The following ERBB4 variants were observed in gnomAD, a reference collection of about 807,000 sequenced individuals.
ERBB4 encodes erb-b2 receptor tyrosine kinase 4.
ERBB4 carries 42 observed loss-of-function variants against 158.0 expected under a neutral mutation model. The observed-to-expected ratio is 0.27, with a 90% CI of 0.21 to 0.34. The LOEUF is 0.34. ERBB4 is among the 10% of genes least tolerant of loss of function. The probability of loss-of-function intolerance (pLI) is 1.00; values close to 1 mark genes in which losing one functional copy is unlikely to be tolerated. For synonymous variants in ERBB4, 583 were observed against 558.7 expected (o/e 1.04, Z -0.61); for missense variants, 1,333 against 1,624.1 (o/e 0.82, Z 3.08).
chr2:212,485,353 A>AT (rs1689916903), intron 1 of ERBB4, among the ~76,000 whole-genome samples: 1 of 152,132 alleles, frequency 6.6e-6, no homozygotes, highest in South Asian at 2.1e-4. Context: ...AACTGAAGTT[A>AT]TTTGTTTTAC....
At chr2:211,696,399 C>A (rs1243605180) in intron 12 of ERBB4, among the ~76,000 whole-genome samples, 1 of 152,104 alleles carries the variant, frequency 6.6e-6, no homozygotes, top group Non-Finnish European at 1.5e-5. Context: ...GTTTTAGCCA[C>A]TGTGCCCAGC....
At chr2:211,672,924 T>C (rs2105938018) in intron 14 of ERBB4, among the ~76,000 whole-genome samples, 1 of 152,344 alleles carries the variant, frequency 6.6e-6, no homozygotes, top group South Asian at 2.1e-4. Flanking sequence ...GACTACTCTA[T>C]ATCTTATAAT....
chr2:211,430,426 G>C (rs2063723845), intron 21 of ERBB4, among the ~76,000 whole-genome samples: 2 of 152,120 alleles, frequency 1.3e-5, no homozygotes, highest in South Asian at 4.1e-4. Flanking sequence ...AAAGAGTCAG[G>C]AACTCCATTG....
chr2:212,086,356 AC>A (rs1241867533), intron 2 of ERBB4, among the ~76,000 whole-genome samples: 2 of 140,616 alleles, frequency 1.4e-5, no homozygotes, highest in African/African-American at 5.1e-5. Flanking sequence ...CATTCTCCCC[AC>A]CAAAAAAAAA....
intron 1 of ERBB4, among the ~76,000 whole-genome samples, chr2:212,474,912 C>A (rs1471807387): frequency 1.4e-5 from 2 of 145,976 alleles, no homozygotes; most frequent in Admixed American, 7.0e-5. Flanking sequence ...AGCTCAGCCT[C>A]CAGAGTAGCA....
At chr2:212,503,253 C>T (rs1329889602) in intron 1 of ERBB4, among the ~76,000 whole-genome samples, 1 of 152,156 alleles carries the variant, frequency 6.6e-6, no homozygotes, top group Non-Finnish European at 1.5e-5. Context: ...TTCTTAACTA[C>T]TACAAGTTAT....
At chr2:211,752,693 C>A (rs1258175596) in intron 4 of ERBB4, among the ~76,000 whole-genome samples, 2 of 151,894 alleles carry the variant, frequency 1.3e-5, no homozygotes, top group Admixed American at 1.3e-4. Context: ...AATTTGCCAC[C>A]CAGACATCTG....
intron 1 of ERBB4, among the ~76,000 whole-genome samples, chr2:212,457,433 G>C (rs1688351751): frequency 6.6e-6 from 1 of 151,852 alleles, no homozygotes; most frequent in Middle Eastern, 3.4e-3. Flanking sequence ...TATATTACTT[G>C]CACTGTTATC....
intron 19 of ERBB4, among the ~76,000 whole-genome samples, chr2:211,576,828 AC>A (rs1451631108): frequency 1.3e-5 from 2 of 152,168 alleles, no homozygotes; most frequent in Non-Finnish European, 2.9e-5. Flanking sequence ...ATGCAAGTAA[AC>A]AAAAAGCTGT....
intron 1 of ERBB4, among the ~76,000 whole-genome samples, chr2:212,255,788 T>C (rs886100277): frequency 3.3e-5 from 5 of 152,078 alleles, no homozygotes; most frequent in Non-Finnish European, 7.4e-5. Context: ...ATATTAACTC[T>C]TTCAAATCAC....
At chr2:211,721,696 C>G (rs1343875004) in intron 7 of ERBB4, among the ~76,000 whole-genome samples, 1 of 147,506 alleles carries the variant, frequency 6.8e-6, no homozygotes, top group African/African-American at 2.5e-5. Flanking sequence ...GCTAAGTATT[C>G]TAGTTATAAA....
At chr2:211,606,123 A>G (rs1319452252) in intron 19 of ERBB4, among the ~76,000 whole-genome samples, 2 of 152,146 alleles carry the variant, frequency 1.3e-5, no homozygotes, top group African/African-American at 2.4e-5. Flanking sequence ...ATTAAATAAA[A>G]GAATGATAAT....
In ERBB4 at chr2:212,395,614, CTTTTT is replaced by C. The variant is rs760604732; in HGVS notation, c.82+142830_82+142834del. On this transcript the variant is annotated intron_variant, in intron 1 of 27. Transcript: ENST00000342788. ...GGACAGAATAGCAAACAGTTACACT[CTTTTT>C]TTTTTTTTTTTTTTTTTTTGAGATG... is the stretch of plus-strand genomic sequence containing the variant. Among the ~76,000 whole-genome samples, 194 of 84,752 alleles carry C rather than the reference CTTTTT, an allele frequency of 2.3e-3. 1 individual carries two copies. The highest frequency in any genetic ancestry group is 9.2e-3 in the African/African-American group (181 of 19,776). The allele number at this position is 84,752 out of a possible 152,430, so 55.6% of individuals were successfully genotyped here.
chr2:212,487,445 G>A (rs1244898804), intron 1 of ERBB4, among the ~76,000 whole-genome samples: 1 of 151,866 alleles, frequency 6.6e-6, no homozygotes, highest in African/African-American at 2.4e-5. Flanking sequence ...CTTAAAATGG[G>A]GAGGTGCGAC....
chr2:211,695,002 G>T (rs767567088), intron 12 of ERBB4, among the ~76,000 whole-genome samples: 1 of 152,020 alleles, frequency 6.6e-6, no homozygotes, highest in African/African-American at 2.4e-5. Context: ...AAATGACGAC[G>T]ATATAAAGTC....
intron 9 of ERBB4, among the ~76,000 whole-genome samples, chr2:211,706,616 C>CAA (rs887747554): frequency 5.7e-5 from 8 of 141,108 alleles, no homozygotes; most frequent in Admixed American, 2.8e-4. Context: ...AAAAAAAAAA[C>CAA]AAAAAAAACT....
intron 2 of ERBB4, among the ~76,000 whole-genome samples, chr2:211,954,791 A>T (rs2080983224): frequency 6.6e-6 from 1 of 152,098 alleles, no homozygotes; most frequent in Non-Finnish European, 1.5e-5. Flanking sequence ...TAGGCAATTA[A>T]TTTCTGTCCC....
At chr2:211,509,915 A>G (rs1244663594) in intron 20 of ERBB4, among the ~76,000 whole-genome samples, 1 of 152,174 alleles carries the variant, frequency 6.6e-6, no homozygotes, top group Non-Finnish European at 1.5e-5. Flanking sequence ...ATCAGTCTGA[A>G]TGGCTATTCA....
rs1352539619 is a variant in ERBB4, at chr2:212,538,587, C to T, written c.-57G>A. On this transcript the variant is annotated 5_prime_UTR_variant, in exon 1 of 28. Coordinates refer to ENST00000342788, the MANE Select transcript of ERBB4 (RefSeq NM_005235.3). ...TTACATGTCCAAATGGCATATCCCC[C>T]TTTCGGGCACGCGGAGGAGATCCCC... 1.3e-6 allele frequency: 2 copies of T among 1,529,410 alleles called. No individual in the cohort carries two copies. Among genetic ancestry groups the T allele is most frequent in the African/African-American group, 1.4e-5 (1 of 73,190 alleles). 94.7% of individuals were successfully genotyped at this position (1,529,410 alleles called of 1,614,324 possible). A position where few individuals can be genotyped will look rare whatever the true frequency, so the allele number is the denominator to read the frequency against.
Sources: gnomAD v4.1 joint callset for allele counts (sites outside exome capture counted in the v4.1 genomes callset) on GRCh38, gnomAD v4.1.1 for gene constraint, MANE v1.5 for transcripts, NCBI Gene and HGNC (gene_info 2026-07-23, HGNC 2026-07-21) for gene names.